The following TRMT2A variants were observed in gnomAD, a reference collection of about 807,000 sequenced individuals.
TRMT2A encodes tRNA (uracil-5-)-methyltransferase homolog A.
A neutral mutation model predicts 59.3 loss-of-function variants in TRMT2A; 60 were observed. The ratio of observed to expected loss-of-function variants is 1.01; its 90% CI spans 0.82 to 1.26. The LOEUF is 1.26. Ranked by LOEUF, TRMT2A falls within the 50% of genes most tolerant of loss-of-function variation. The probability of loss-of-function intolerance (pLI) is 0.00; values close to 1 mark genes in which losing one functional copy is unlikely to be tolerated. For missense variants in TRMT2A, 863 were observed against 845.2 expected, an observed-to-expected ratio of 1.02 and a Z score of -0.26; for synonymous variants, 403 against 353.7, an observed-to-expected ratio of 1.14 and a Z score of -1.56.
At chr22:20,113,400 T>TGCCCC in intron 9 of TRMT2A, 32 bp downstream of exon 9, 235 of 1,049,158 alleles carry the variant, frequency 2.2e-4, no homozygotes, top group Non-Finnish European at 3.1e-4. Flanking sequence ...GCTGCCCCCA[T>TGCCCC]CCCCACCCCC....
Position 20,116,295 on chromosome 22 carries a change from C to T in TRMT2A, c.342G>A (p.Val114=). The part of the protein sequence containing the change: ...KLFGQPPCAF[V]TFRSAAERDK... ...CCCTCTCTGCAGCGCTGCGGAATGT[C>T]ACAAAGGCGCAGGGTGGTTGCCCAA... The change falls in exon 2 of 12, where the codon GTG becomes GTA. Residue 114 remains valine, a synonymous_variant. Transcript: ENST00000252136. 6.2e-7 allele frequency: 1 copy of T among 1,612,974 alleles called. No individual in the cohort carries two copies. Among genetic ancestry groups the T allele is most frequent in the Non-Finnish European group, 8.5e-7 (1 of 1,180,022 alleles).
In TRMT2A at chr22:20,116,696, C is replaced by T. The variant is rs1260340931; in HGVS notation, c.25-84G>A. The T allele has an allele frequency of 1.8e-5, 27 of 1,471,420 alleles. 1 individual carries two copies. In the South Asian group the frequency reaches 2.4e-4, roughly 13 times the overall value. 91.1% of individuals were successfully genotyped at this position (1,471,420 alleles called of 1,614,324 possible). A position where few individuals can be genotyped will look rare whatever the true frequency, so the allele number is the denominator to read the frequency against. ...CAAGCTTCCTTATGGGACACCCAGA[C>T]CTCCGTCGGTGCACTCTGCACTCAG... is the stretch of plus-strand genomic sequence containing the variant. On this transcript the variant is annotated intron_variant, in intron 1 of 11. Transcript: ENST00000252136.
chr22:20,113,887 T>A, intron 7 of TRMT2A, 79 bp from the exon 8 acceptor site: 1 of 1,461,032 alleles, frequency 6.8e-7, no homozygotes, highest in Non-Finnish European at 9.0e-7. Context: ...ACATTCCTGG[T>A]CCCTCCATCC....
intron 3 of TRMT2A, 66 bp downstream of exon 3, chr22:20,115,606 G>C (rs2049987283): frequency 6.3e-7 from 1 of 1,585,648 alleles, no homozygotes; most frequent in Non-Finnish European, 8.6e-7. Flanking sequence ...AACAGGAAGG[G>C]TGAGCAAAAG....
At chr22:20,116,013 A>T in intron 2 of TRMT2A, 25 bp downstream of exon 2, 1 of 1,533,042 alleles carries the variant, frequency 6.5e-7, no homozygotes, top group Non-Finnish European at 8.8e-7. Flanking sequence ...CCTGGCCAAG[A>T]GGGGCGTCTT....
chr22:20,113,013 G>A lies in TRMT2A; in HGVS notation c.1550-6C>T, dbSNP rs1347911528. The A allele has an allele frequency of 3.1e-6, 5 of 1,613,600 alleles. No individual in the cohort carries two copies. In the African/African-American group the frequency reaches 4.0e-5, roughly 13 times the overall value. ...GGCCAGGATCACCTTGGAATCTGAG[G>A]AGGCAAACACCAGCTGGGTCCCCAC... On this transcript the variant is annotated splice_polypyrimidine_tract_variant and splice_region_variant and intron_variant, in intron 10 of 11. Coordinates refer to ENST00000252136, the MANE Select transcript of TRMT2A (RefSeq NM_022727.6).
At position 20,113,217 on chromosome 22, in the gene TRMT2A, A is replaced by G; in HGVS notation, c.1450T>C (p.Phe484Leu). The G allele has an allele frequency of 6.4e-7, 1 of 1,565,624 alleles. No individual in the cohort carries two copies. The highest frequency in any genetic ancestry group is 8.6e-7 in the Non-Finnish European group (1 of 1,157,256). Residue 484 changes from phenylalanine to leucine, a missense_variant, in exon 10 of 12, where the codon TTC (phenylalanine) becomes CTC (leucine). Phe to Leu is a conservative substitution (Grantham distance 22). Coordinates refer to ENST00000252136, the MANE Select transcript of TRMT2A (RefSeq NM_022727.6). ...AGGTCCTCGGCCCTCCCGCAGTGGA[A>G]CTCCACATTACTCAACTCTGAAGAG... ...AQDNELSNVE[F>L]HCGRAEDLVP... is the part of the protein sequence containing the mutation.
chr22:20,115,917 C>G (rs2049999705), intron 2 of TRMT2A, 121 bp downstream of exon 2: 1 of 1,402,320 alleles, frequency 7.1e-7, no homozygotes, highest in Admixed American at 2.5e-5. Flanking sequence ...GTCTTGCTGG[C>G]TAGCTCCCAA....
rs2049861124 is a variant in TRMT2A, at chr22:20,112,037, G to C, written c.*526C>G. 1 of 156,616 alleles carries C rather than the reference G, an allele frequency of 6.4e-6. No homozygotes were observed. The highest frequency in any genetic ancestry group is 1.4e-5 in the Non-Finnish European group (1 of 71,234). The allele number at this position is 156,616 out of a possible 1,614,324, so 9.7% of individuals were successfully genotyped here. On this transcript the variant is annotated 3_prime_UTR_variant, in exon 12 of 12. Coordinates refer to ENST00000252136, the MANE Select transcript of TRMT2A (RefSeq NM_022727.6). ...TTCCTTGGTTGATGCCCTCTCTGCT[G>C]GGCTGAGGGCCAGGCTGGCCACAGA...
chr22:20,113,400 T>TCCCCCCCCCCCCC, intron 9 of TRMT2A, 32 bp downstream of exon 9: 9 of 1,049,424 alleles, frequency 8.6e-6, no homozygotes, highest in East Asian at 2.7e-5. Flanking sequence ...GCTGCCCCCA[T>TCCCCCCCCCCCCC]CCCCACCCCC....
Position 20,116,414 on chromosome 22 carries a change from G to A in TRMT2A, c.223C>T (p.Leu75=), listed in dbSNP as rs769842332. The change falls in exon 2 of 12, where the codon CTG becomes TTG. Residue 75 remains leucine (L), a synonymous_variant. Transcript: ENST00000252136. ...TGGCGAGGCACGTTCTGCAGCTCCA[G>A]TTTAAAGATCTCAGAGGTAAACAAG... ...DDLFTSEIFK[L]ELQNVPRHAS... The A allele has an allele frequency of 1.7e-5, 28 of 1,611,876 alleles. No homozygotes were observed. The Admixed American group carries it at 2.8e-4, about 16-fold the overall frequency.
chr22:20,113,652 G>T (rs372690022), intron 8 of TRMT2A, 34 bp downstream of exon 8: 4 of 1,590,394 alleles, frequency 2.5e-6, no homozygotes, highest in Non-Finnish European at 8.6e-7. Flanking sequence ...TTGGGGTGGG[G>T]AGAGGGTGCC....
rs1432977225 is a variant in TRMT2A, at chr22:20,114,591, G to A, written c.1216C>T (p.Pro406Ser). 6.2e-7 allele frequency: 1 copy of A among 1,613,710 alleles called. No homozygotes were observed. Among genetic ancestry groups the A allele is most frequent in the Admixed American group, 1.7e-5 (1 of 60,024 alleles). Residue 406 changes from proline (P) to serine (S), a missense_variant, in exon 7 of 12, where the codon CCA becomes TCA. By Grantham distance (74) the Pro-to-Ser change is moderately conservative. Coordinates refer to ENST00000252136, the MANE Select transcript of TRMT2A (RefSeq NM_022727.6). ...ATGGCTACCTGGAAGAAGGCGTGTGGAGAGATCCGGAAGGTCAGCCCTAGC... is the reference window on the plus strand; with the variant it reads ...ATGGCTACCTGGAAGAAGGCGTGTGAAGAGATCCGGAAGGTCAGCCCTAGC... Reference protein sequence around the residue: ...DLLGLTFRISPHAFFQVNTPA... With the variant: ...DLLGLTFRISSHAFFQVNTPA...
rs1225506613 is a variant in TRMT2A, at chr22:20,115,289, C to T, written c.867G>A (p.Val289=). Residue 289 remains valine (V), a synonymous_variant, in exon 4 of 12, where the codon GTG becomes GTA. Transcript: ENST00000252136. ...VHIPEATKQV[V]KAFQEFIRST... ...ACCGGATGAACTCCTGGAAGGCCTT[C>T]ACCACCTGCTTGGTGGCTTCGGGGA... 6.2e-7 allele frequency: 1 copy of T among 1,612,628 alleles called. No homozygotes were observed. Among genetic ancestry groups the T allele is most frequent in the Non-Finnish European group, 8.5e-7 (1 of 1,179,658 alleles).
chr22:20,115,487 G>A, intron 3 of TRMT2A, 40 bp from the exon 4 acceptor site: 2 of 1,586,568 alleles, frequency 1.3e-6, no homozygotes. Context: ...TGGCTGCCCA[G>A]CGCTTGGGCC....
In TRMT2A at chr22:20,112,448, G is replaced by C. The variant is rs1453315685; in HGVS notation, c.*115C>G. On this transcript the variant is annotated 3_prime_UTR_variant, in exon 12 of 12. Transcript: ENST00000252136. Reference sequence around the variant, plus strand: ...GCAGGCCAATCCTGGTGGGGCACAGGGTTCTGTGCCCTTTGGCTGCCTACC... The same window carrying C: ...GCAGGCCAATCCTGGTGGGGCACAGCGTTCTGTGCCCTTTGGCTGCCTACC... 12 of 1,311,396 alleles carry C rather than the reference G, an allele frequency of 9.2e-6. No individual in the cohort carries two copies. The highest frequency in any genetic ancestry group is 1.5e-5 in the South Asian group (1 of 65,342). 81.2% of individuals were successfully genotyped at this position (1,311,396 alleles called of 1,614,324 possible). A position where few individuals can be genotyped will look rare whatever the true frequency, so the allele number is the denominator to read the frequency against.
At position 20,115,454 on chromosome 22, in the gene TRMT2A, GGA is replaced by G; in HGVS notation, c.709-9_709-8del. ...ACTTATTACGATACTCAGTCTGCAG[GGA>G]GAGAGAGCTGCACCTTACCCTGGCT... is the stretch of plus-strand genomic sequence containing the variant. On this transcript the variant is annotated splice_polypyrimidine_tract_variant and splice_region_variant and intron_variant, in intron 3 of 11. Transcript: ENST00000252136. 2 of 1,601,284 alleles carry G rather than the reference GGA, an allele frequency of 1.2e-6. No individual in the cohort carries two copies. The highest frequency in any genetic ancestry group is 1.7e-6 in the Non-Finnish European group (2 of 1,173,354).
chr22:20,115,405 C>T lies in TRMT2A; in HGVS notation c.751G>A (p.Val251Met), dbSNP rs765205634. 4.3e-6 allele frequency: 7 copies of T among 1,612,134 alleles called. No individual in the cohort carries two copies. Among genetic ancestry groups the T allele is most frequent in the Admixed American group, 1.7e-5 (1 of 60,002 alleles). ...NKCEFLVGVG[V>M]DGEDNTVGCR... The stretch of plus-strand genomic sequence containing the variant: ...CCCACGGTGTTATCCTCCCCATCCA[C>T]CCCGACGCCAACCAGAAACTCACAC... Residue 251 changes from valine to methionine, a missense_variant, in exon 4 of 12, where the codon GTG becomes ATG. By Grantham distance (21) the Val-to-Met change is conservative (BLOSUM62 1). Coordinates refer to ENST00000252136, the MANE Select transcript of TRMT2A (RefSeq NM_022727.6).
Position 20,115,825 on chromosome 22 carries a change from C to T in TRMT2A, c.600-45G>A, listed in dbSNP as rs373424561. ...GTGGTTGGACTCCACCTACTGCCCC[C>T]GACCCATGCCAGGCCACTCCCCAAA... On this transcript the variant is annotated intron_variant, in intron 2 of 11. Coordinates refer to ENST00000252136, the MANE Select transcript of TRMT2A (RefSeq NM_022727.6). 5.2e-5 allele frequency: 81 copies of T among 1,557,016 alleles called. 2 individuals are homozygous for T. In the Middle Eastern group the frequency reaches 6.4e-4, roughly 12 times the overall value.
Sources: allele counts gnomAD v4.1 joint callset, GRCh38; gene constraint gnomAD v4.1.1; transcripts MANE v1.5; gene names NCBI Gene and HGNC (gene_info 2026-07-23, HGNC 2026-07-21).